KIAA0825: variants seen among roughly 807,000 people sequenced by gnomAD.
KIAA0825 encodes uncharacterized protein KIAA0825.
KIAA0825 carries 119 observed loss-of-function variants against 147.6 expected under a neutral mutation model. That is an observed-to-expected ratio of 0.81 (90% confidence interval 0.69 to 0.94). KIAA0825 has a LOEUF of 0.94. KIAA0825 is among the 40% of genes least tolerant of loss of function. The pLI, the probability that KIAA0825 is intolerant of heterozygous loss-of-function variation, is 0.00. For missense variants in KIAA0825, 1,381 were observed against 1,472.7 expected, an observed-to-expected ratio of 0.94 and a Z score of 1.02; for synonymous variants, 470 against 518.1, an observed-to-expected ratio of 0.91 and a Z score of 1.26.
chr5:94,457,781 T>C (rs992456080), intron 12 of KIAA0825, among the ~76,000 whole-genome samples: 5 of 152,188 alleles, frequency 3.3e-5, no homozygotes, highest in Non-Finnish European at 5.9e-5. Context: ...TTCTCTTGTG[T>C]CGTGTTGCTT....
chr5:94,520,652 A>T lies in KIAA0825; in HGVS notation c.566T>A (p.Ile189Asn), dbSNP rs752050086. ...TTGTAAGCACTGCTTTTTCAATAAA[A>T]TTTTTTGCTGTGAATTGTTTATTTC... Reference protein sequence around the residue: ...HNEINNSQQKILLKKQCLQQL... With the variant: ...HNEINNSQQKNLLKKQCLQQL... Residue 189 changes from isoleucine to asparagine, a missense_variant, in exon 5 of 21, where the codon ATT becomes AAT. Physicochemically the swap from Ile to Asn is moderately radical, Grantham distance 149. Coordinates refer to ENST00000682413, the MANE Select transcript of KIAA0825 (RefSeq NM_001145678.3). 2.2e-5 allele frequency: 36 copies of T among 1,613,166 alleles called. No individual in the cohort carries two copies. The highest frequency in any genetic ancestry group is 2.7e-5 in the Non-Finnish European group (32 of 1,179,502).
At position 94,495,194 on chromosome 5, in the gene KIAA0825, C is replaced by T. The variant is rs555224955; in HGVS notation, c.971-10264G>A. On this transcript the variant is annotated intron_variant, in intron 5 of 20. Transcript: ENST00000682413. Reference sequence around the variant, plus strand: ...CCTAGTGCCCACCTGAAAAGCTGTACTCATGAGCTTATTATTCTAAAAGAG... The same window carrying T: ...CCTAGTGCCCACCTGAAAAGCTGTATTCATGAGCTTATTATTCTAAAAGAG... 2.7e-3 allele frequency among the ~76,000 whole-genome samples: 408 copies of T among 152,346 alleles called. 1 individual carries two copies. Among genetic ancestry groups the T allele is most frequent in the Non-Finnish European group, 4.5e-3 (303 of 68,034 alleles).
In KIAA0825 at chr5:94,152,452, C is replaced by G. The variant is rs1446425534; in HGVS notation, c.*1555G>C. ...CCTATAGTTCCAGGGCTTTGAGAGA[C>G]AGAGAGGGGAAGATCACTTGAGGTA... On this transcript the variant is annotated 3_prime_UTR_variant, in exon 21 of 21. Coordinates refer to ENST00000682413, the MANE Select transcript of KIAA0825 (RefSeq NM_001145678.3). Among the ~76,000 whole-genome samples, 1 of 151,962 alleles carries G rather than the reference C, an allele frequency of 6.6e-6. No individual in the cohort carries two copies. Among genetic ancestry groups the G allele is most frequent in the African/African-American group, 2.4e-5 (1 of 41,350 alleles).
chr5:94,533,881 T>C (rs1037611032), intron 3 of KIAA0825, among the ~76,000 whole-genome samples: 3 of 152,184 alleles, frequency 2.0e-5, no homozygotes, highest in African/African-American at 7.2e-5. Context: ...ACAGCCTTTC[T>C]TGAAGGGCAG....
At chr5:94,492,714 A>T (rs535002725) in intron 5 of KIAA0825, among the ~76,000 whole-genome samples, 1 of 152,210 alleles carries the variant, frequency 6.6e-6, no homozygotes, top group Non-Finnish European at 1.5e-5. Context: ...CATTGTAAAC[A>T]TGCTTCTTTT....
intron 7 of KIAA0825, among the ~76,000 whole-genome samples, chr5:94,473,995 C>A (rs1274524919): frequency 6.6e-6 from 1 of 152,132 alleles, no homozygotes; most frequent in East Asian, 1.9e-4. Context: ...TCACAGAACT[C>A]CAGACAAGCC....
At chr5:94,345,468 C>T (rs1782880849) in intron 20 of KIAA0825, among the ~76,000 whole-genome samples, 1 of 152,114 alleles carries the variant, frequency 6.6e-6, no homozygotes, top group South Asian at 2.1e-4. Flanking sequence ...AGTCAACTGT[C>T]AGCCTTAGAC....
chr5:94,268,215 G>T lies in KIAA0825; in HGVS notation c.3711-114091C>A, dbSNP rs1249396554. Among the ~76,000 whole-genome samples, 3 of 152,120 alleles carry T rather than the reference G, an allele frequency of 2.0e-5. No individual in the cohort carries two copies. The East Asian group carries it at 5.8e-4, about 29-fold the overall frequency. On this transcript the variant is annotated intron_variant, in intron 20 of 20. Coordinates refer to ENST00000682413, the MANE Select transcript of KIAA0825 (RefSeq NM_001145678.3). ...CAATTCTCAGACTTCCCTTTAATTG[G>T]CTTTAGAAAGTATCAGTTATGAACA...
At chr5:94,413,053 G>A (rs546482029) in intron 15 of KIAA0825, 1 of 151,580 alleles carries the variant, frequency 6.6e-6, no homozygotes, top group South Asian at 2.1e-4. Flanking sequence ...CCGGGTTCAA[G>A]TGATTCTCCT....
intron 5 of KIAA0825, among the ~76,000 whole-genome samples, chr5:94,505,310 G>A (rs558398856): frequency 1.3e-5 from 2 of 151,012 alleles, no homozygotes; most frequent in Non-Finnish European, 2.9e-5. Context: ...GCAGTGAGCA[G>A]AGATGACACC....
At chr5:94,594,251 T>C (rs1784865403) in intron 1 of KIAA0825, 3 of 612,924 alleles carry the variant, frequency 4.9e-6, no homozygotes, top group East Asian at 4.2e-5. Flanking sequence ...TGGAACTAAA[T>C]AGATCAGTCT....
At chr5:94,162,427 G>A (rs772095443) in intron 20 of KIAA0825, among the ~76,000 whole-genome samples, 18 of 151,918 alleles carry the variant, frequency 1.2e-4, no homozygotes, top group Non-Finnish European at 2.2e-4. Flanking sequence ...AGCCTCCCAG[G>A]TAGCTAGGAC....
intron 12 of KIAA0825, among the ~76,000 whole-genome samples, chr5:94,457,847 C>T (rs1304209415): frequency 1.3e-5 from 2 of 152,152 alleles, no homozygotes; most frequent in Admixed American, 1.3e-4. Flanking sequence ...ATGGAATAAA[C>T]CTCCATGACT....
intron 1 of KIAA0825, among the ~76,000 whole-genome samples, chr5:94,616,529 TAC>T (rs146182240): frequency 8.6e-5 from 13 of 150,636 alleles, no homozygotes; most frequent in Non-Finnish European, 1.3e-4. Flanking sequence ...TCTTTCTCCC[TAC>T]ACACACACAC....
intron 20 of KIAA0825, among the ~76,000 whole-genome samples, chr5:94,351,011 T>C (rs1783604478): frequency 6.6e-6 from 1 of 151,604 alleles, no homozygotes; most frequent in African/African-American, 2.4e-5. Context: ...CTCAGCCTCC[T>C]GAAGGATGCC....
intron 20 of KIAA0825, among the ~76,000 whole-genome samples, chr5:94,351,785 A>T (rs979022010): frequency 2.0e-5 from 3 of 152,138 alleles, no homozygotes; most frequent in Non-Finnish European, 4.4e-5. Flanking sequence ...AAATAAAGCC[A>T]ACTGATTTTC....
intron 20 of KIAA0825, among the ~76,000 whole-genome samples, chr5:94,197,551 CAAT>C (rs1330387378): frequency 1.3e-5 from 2 of 152,144 alleles, no homozygotes; most frequent in East Asian, 3.8e-4. Context: ...TTGCCAAGGC[CAAT>C]GTCCAGAATG....
chr5:94,565,489 C>A, intron 2 of KIAA0825, among the ~76,000 whole-genome samples: 1 of 151,672 alleles, frequency 6.6e-6, no homozygotes, highest in East Asian at 1.9e-4. Flanking sequence ...TTACAGGCGC[C>A]CACCACCATA....
At position 94,437,635 on chromosome 5, in the gene KIAA0825, T is replaced by C. The variant is rs574861060; in HGVS notation, c.2497+2347A>G. 2.8e-4 allele frequency among the ~76,000 whole-genome samples: 42 copies of C among 152,314 alleles called. No individual in the cohort carries two copies. In the East Asian group the frequency reaches 6.9e-3, roughly 25 times the overall value. On this transcript the variant is annotated intron_variant, in intron 14 of 20. Transcript: ENST00000682413. Reference sequence around the variant, plus strand: ...AGGATTCATTTGTAAGAGAACATGGTTAAATATTCATAACTATAATTGTAC... The same window carrying C: ...AGGATTCATTTGTAAGAGAACATGGCTAAATATTCATAACTATAATTGTAC...
Sources: allele counts gnomAD v4.1 joint callset (sites outside exome capture counted in the v4.1 genomes callset), GRCh38; gene constraint gnomAD v4.1.1; transcripts MANE v1.5; gene names NCBI Gene and HGNC (gene_info 2026-07-23, HGNC 2026-07-21).